Variants in LRRC57 observed in about 807,000 individuals in gnomAD.
The protein encoded by LRRC57 is leucine-rich repeat-containing protein 57.
In LRRC57, 14 loss-of-function variants were observed where a neutral mutation model predicts 23.1. The ratio of observed to expected loss-of-function variants is 0.61; its 90% CI spans 0.40 to 0.95. The LOEUF is 0.95. LRRC57 is among the 40% of genes least tolerant of loss of function. The pLI is 0.00. For missense variants in LRRC57, 236 were observed against 284.4 expected, an observed-to-expected ratio of 0.83 and a Z score of 1.22; for synonymous variants, 106 against 115.2, an observed-to-expected ratio of 0.92 and a Z score of 0.51.
chr15:42,547,388 G>A lies in LRRC57; in HGVS notation c.365C>T (p.Ala122Val), dbSNP rs747168430. Reference sequence around the variant, plus strand: ...TAGGCTACAAAGTTGGGGAGGTAATGCTCCCAGTTGGTTCCCAGAGAGGCT... The same window carrying A: ...TAGGCTACAAAGTTGGGGAGGTAATACTCCCAGTTGGTTCCCAGAGAGGCT... The part of the protein sequence containing the change: ...TLSLSGNQLG[A>V]LPPQLCSLRH... The change falls in exon 4 of 6, where the codon GCA becomes GTA. Residue 122 changes from alanine (A) to valine (V), a missense_variant. Physicochemically the swap from Ala to Val is moderately conservative, Grantham distance 64. Transcript: ENST00000397130. 1.9e-6 allele frequency: 3 copies of A among 1,614,190 alleles called. No individual in the cohort carries two copies. Among genetic ancestry groups the A allele is most frequent in the Non-Finnish European group, 2.5e-6 (3 of 1,180,026 alleles).
In LRRC57 at chr15:42,547,400, T is replaced by C. The variant is rs1398282042; in HGVS notation, c.353A>G (p.Asn118Ser). ...SALKTLSLSG[N>S]QLGALPPQLC... Reference sequence around the variant, plus strand: ...TTGGGGAGGTAATGCTCCCAGTTGGTTCCCAGAGAGGCTCAGGGTCTTGAG... The same window carrying C: ...TTGGGGAGGTAATGCTCCCAGTTGGCTCCCAGAGAGGCTCAGGGTCTTGAG... The change falls in exon 4 of 6, where the codon AAC becomes AGC. Residue 118 changes from asparagine to serine, a missense_variant. Transcript: ENST00000397130. 6.2e-7 allele frequency: 1 copy of C among 1,614,198 alleles called. No homozygotes were observed. Among genetic ancestry groups the C allele is most frequent in the African/African-American group, 1.3e-5 (1 of 75,060 alleles).
chr15:42,537,254 C>CACACACACACACACACAT (rs796745969), downstream of LRRC57, among the ~76,000 whole-genome samples: 131 of 151,454 alleles, frequency 8.6e-4, 1 homozygote, highest in African/African-American at 3.1e-3. Context: ...CACACACACA[C>CACACACACACACACACAT]ACACACACAC....
Position 42,545,227 on chromosome 15 carries a change from T to A in LRRC57, c.528A>T (p.Pro176=). 1.3e-6 allele frequency: 2 copies of A among 1,592,458 alleles called. No homozygotes were observed. The highest frequency in any genetic ancestry group is 1.7e-6 in the Non-Finnish European group (2 of 1,172,850). Residue 176 remains proline, a synonymous_variant, in exon 5 of 6, where the codon CCA becomes CCT. Coordinates refer to ENST00000397130, the MANE Select transcript of LRRC57 (RefSeq NM_153260.3). ...CTTCCAGGCGAAGAATTTTAAGGCG[T>A]GGACAGCAAGATATCTTCACTGAGA... ...SQISVKISCC[P]RLKILRLEEN...
At position 42,541,647 on chromosome 15, in the gene LRRC57, T is replaced by C. The variant is rs913525606; in HGVS notation, c.*2436A>G. The stretch of plus-strand genomic sequence containing the variant: ...ACCATTATTGAGAACTGTTGATATA[T>C]AGTTAGTAATAGCTTTGTGACTAAG... On this transcript the variant is annotated 3_prime_UTR_variant, in exon 6 of 6. Transcript: ENST00000397130. The C allele has an allele frequency of 5.3e-5, 8 of 152,200 alleles. No homozygotes were observed. Among genetic ancestry groups the C allele is most frequent in the Non-Finnish European group, 8.8e-5 (6 of 68,030 alleles). The allele number at this position is 152,200 out of a possible 1,614,324, so 9.4% of individuals were successfully genotyped here.
chr15:42,545,647 T>C (rs1294082570), intron 4 of LRRC57, among the ~76,000 whole-genome samples: 1 of 152,194 alleles, frequency 6.6e-6, no homozygotes, highest in Non-Finnish European at 1.5e-5. Context: ...ATGTTTTATG[T>C]GTACATAGAT....
intron 3 of LRRC57, chr15:42,547,873 CT>C: frequency 1.8e-6 from 1 of 567,708 alleles, no homozygotes; most frequent in Middle Eastern, 4.7e-4. Flanking sequence ...CCAAAATGTT[CT>C]TCTCTTTCAA....
the LRRC57 span, among the ~76,000 whole-genome samples, chr15:42,528,641 AGTG>A: frequency 6.6e-6 from 1 of 152,134 alleles, no homozygotes; most frequent in African/African-American, 2.4e-5. Flanking sequence ...GCTGGAGTGC[AGTG>A]GCGTGATCTC....
chr15:42,548,675 A>C lies in LRRC57; in HGVS notation c.-23+18T>G, dbSNP rs2057680641. 4 of 621,970 alleles carry C rather than the reference A, an allele frequency of 6.4e-6. No individual in the cohort carries two copies. The highest frequency in any genetic ancestry group is 5.5e-5 in the African/African-American group (3 of 54,282). The allele number at this position is 621,970 out of a possible 1,614,324, so 38.5% of individuals were successfully genotyped here. On this transcript the variant is annotated intron_variant, in intron 1 of 5. Transcript: ENST00000397130. ...CGCCTCTGGGAGCCTACGGAAGATC[A>C]GGGAGCCCCGGACTCGCCTCCCACC...
Position 42,539,468 on chromosome 15 carries a change from CCT to C in LRRC57, c.*4613_*4614del, listed in dbSNP as rs1213289109. On this transcript the variant is annotated 3_prime_UTR_variant, in exon 6 of 6. Transcript: ENST00000397130. ...ATTCCAACCTGGGCGAAACAGACAG[CCT>C]CTGTCTCAAAAAAAAAAAAAAAAAA... 1.8e-5 allele frequency: 1 copy of C among 56,502 alleles called. No individual in the cohort carries two copies. The highest frequency in any genetic ancestry group is 3.2e-5 in the Non-Finnish European group (1 of 31,280). The allele number at this position is 56,502 out of a possible 1,614,324, so 3.5% of individuals were successfully genotyped here.
Position 42,539,645 on chromosome 15 carries a change from C to G in LRRC57, c.*4438G>C, listed in dbSNP as rs2057618215. 1 of 152,030 alleles carries G rather than the reference C, an allele frequency of 6.6e-6. No homozygotes were observed. Among genetic ancestry groups the G allele is most frequent in the African/African-American group, 2.4e-5 (1 of 41,370 alleles). 9.4% of individuals were successfully genotyped at this position (152,030 alleles called of 1,614,324 possible). On this transcript the variant is annotated 3_prime_UTR_variant, in exon 6 of 6. Coordinates refer to ENST00000397130, the MANE Select transcript of LRRC57 (RefSeq NM_153260.3). ...AAAAAAGAAAAAAAAAATTAGGTGACTTGGACTAGTGGCCAGATTCAAATC... is the reference window on the plus strand; with the variant it reads ...AAAAAAGAAAAAAAAAATTAGGTGAGTTGGACTAGTGGCCAGATTCAAATC...
At chr15:42,547,154 G>T in intron 4 of LRRC57, 107 bp downstream of exon 4, 1 of 1,254,436 alleles carries the variant, frequency 8.0e-7, no homozygotes, top group Non-Finnish European at 1.1e-6. Flanking sequence ...TTTAGCCTCT[G>T]ATACTTAGCT....
chr15:42,541,893 G>C lies in LRRC57; in HGVS notation c.*2190C>G, dbSNP rs2057631318. The C allele has an allele frequency of 6.6e-6, 1 of 150,958 alleles. No homozygotes were observed. Among genetic ancestry groups the C allele is most frequent in the Non-Finnish European group, 1.5e-5 (1 of 67,768 alleles). The allele number at this position is 150,958 out of a possible 1,614,324, so 9.4% of individuals were successfully genotyped here. On this transcript the variant is annotated 3_prime_UTR_variant, in exon 6 of 6. Coordinates refer to ENST00000397130, the MANE Select transcript of LRRC57 (RefSeq NM_153260.3). ...TCCTGCCTCAGCCTCCCATGTAGCT[G>C]AGACTACAGGCGCCCACCACTACGC...
downstream of LRRC57, among the ~76,000 whole-genome samples, chr15:42,535,697 A>G (rs1201203310): frequency 6.6e-6 from 1 of 152,148 alleles, no homozygotes; most frequent in Non-Finnish European, 1.5e-5. Context: ...TACAGGTGTG[A>G]GCCAACGCGC....
chr15:42,530,577 G>A, the LRRC57 span, among the ~76,000 whole-genome samples: 11 of 151,882 alleles, frequency 7.2e-5, no homozygotes, highest in Non-Finnish European at 5.9e-5. Flanking sequence ...GCAAGACCTC[G>A]ACTCTACTAA....
At chr15:42,528,545 G>A in the LRRC57 span, 1 of 997,918 alleles carries the variant, frequency 1.0e-6, no homozygotes, top group Non-Finnish European at 1.4e-6. Flanking sequence ...TTTTTAAAAT[G>A]CATTTAAAAA....
downstream of LRRC57, among the ~76,000 whole-genome samples, chr15:42,535,244 T>A (rs1055169341): frequency 9.2e-5 from 14 of 152,218 alleles, no homozygotes; most frequent in African/African-American, 3.4e-4. Flanking sequence ...TACAGCTTCT[T>A]CCCTTAAACC....
downstream of LRRC57, among the ~76,000 whole-genome samples, chr15:42,537,369 ATG>A (rs1306843228): frequency 6.6e-6 from 1 of 152,174 alleles, no homozygotes; most frequent in Non-Finnish European, 1.5e-5. Flanking sequence ...TCCAGTTATC[ATG>A]GCTATTATCA....
At chr15:42,530,021 G>C in the LRRC57 span, among the ~76,000 whole-genome samples, 7,218 of 152,242 alleles carry the variant, frequency 0.047, 573 homozygotes, top group African/African-American at 0.16. Context: ...TTTGAAACCA[G>C]AGTTTTGGAA....
At chr15:42,537,216 GTCTCTC>G (rs375203501), downstream of LRRC57, among the ~76,000 whole-genome samples, 97 of 139,328 alleles carry the variant, frequency 7.0e-4, no homozygotes, top group African/African-American at 2.7e-3. Flanking sequence ...CCATCTCTCT[GTCTCTC>G]TCTCTCTCTC....
Sources: allele counts gnomAD v4.1 joint callset (sites outside exome capture counted in the v4.1 genomes callset), GRCh38; gene constraint gnomAD v4.1.1; transcripts MANE v1.5; gene names NCBI Gene and HGNC (gene_info 2026-07-23, HGNC 2026-07-21).